MAPK14: variants seen among roughly 807,000 people sequenced by gnomAD.
MAPK14 encodes mitogen-activated protein kinase 14.
Under a neutral mutation model 49.6 loss-of-function variants are expected in MAPK14, and 16 were observed. The ratio of observed to expected loss-of-function variants is 0.32; its 90% confidence interval spans 0.22 to 0.49. The LOEUF is 0.49. Among genes scored for constraint, MAPK14 ranks in the 20% least tolerant of loss-of-function variants. The probability of loss-of-function intolerance (pLI) is 0.99; values close to 1 mark genes in which losing one functional copy is unlikely to be tolerated. For synonymous variants in MAPK14, 142 were observed against 158.0 expected, an observed-to-expected ratio of 0.90 and a Z score of 0.76; for missense variants, 200 against 441.2, an observed-to-expected ratio of 0.45 and a Z score of 4.90.
At chr6:36,035,989 T>C (rs879141463) in intron 1 of MAPK14, among the ~76,000 whole-genome samples, 8 of 152,158 alleles carry the variant, frequency 5.3e-5, no homozygotes, top group Non-Finnish European at 1.2e-4. Flanking sequence ...TTTGGGAGGC[T>C]GAGGCAGGCA....
chr6:36,031,356 A>G (rs1762536775), intron 1 of MAPK14, among the ~76,000 whole-genome samples: 1 of 151,894 alleles, frequency 6.6e-6, no homozygotes, highest in African/African-American at 2.4e-5. Context: ...GTGTGGCAGA[A>G]AACATTTTTT....
Position 36,107,708 on chromosome 6 carries a change from C to A in MAPK14, c.1015+80C>A. 2.8e-6 allele frequency: 3 copies of A among 1,065,256 alleles called. No homozygotes were observed. The highest frequency in any genetic ancestry group is 3.9e-6 in the Non-Finnish European group (3 of 766,298). The allele number at this position is 1,065,256 out of a possible 1,614,324, so 66.0% of individuals were successfully genotyped here. A position where few individuals can be genotyped will look rare whatever the true frequency, so the allele number is the denominator to read the frequency against. On this transcript the variant is annotated intron_variant, in intron 11 of 11. Coordinates refer to ENST00000229794, the MANE Select transcript of MAPK14 (RefSeq NM_139012.3). This position sits in a 1 kb window ranked among gnomAD's most constrained non-coding sequence, Gnocchi z 4.3. ...AAAATAAAAACTGAATGGTCATAACCAACTTGCTAAAGCTTGTAGATGAGG... is the reference window on the plus strand; with the variant it reads ...AAAATAAAAACTGAATGGTCATAACAAACTTGCTAAAGCTTGTAGATGAGG...
In MAPK14 at chr6:36,028,486, G is replaced by C. The variant is rs1408325176; in HGVS notation, c.116+213G>C. ...GCGGTCCACCGTGTGCAGCACTCAG[G>C]TCCGCTGCGAGAGGTAGGTGGTGGT... On this transcript the variant is annotated intron_variant, in intron 1 of 11. Coordinates refer to ENST00000229794, the MANE Select transcript of MAPK14 (RefSeq NM_139012.3). This position sits in a 1 kb window ranked among gnomAD's most constrained non-coding sequence, Gnocchi z 5.1. Among the ~76,000 whole-genome samples, 1 of 152,240 alleles carries C rather than the reference G, an allele frequency of 6.6e-6. No individual in the cohort carries two copies. Among genetic ancestry groups the C allele is most frequent in the Non-Finnish European group, 1.5e-5 (1 of 68,046 alleles).
chr6:36,059,434 T>C (rs914901833), intron 3 of MAPK14, 87 bp downstream of exon 3: 15 of 960,926 alleles, frequency 1.6e-5, no homozygotes, highest in African/African-American at 1.2e-4. Context: ...TAGCAACATA[T>C]AGACTTCAAA....
the MAPK14 span, among the ~76,000 whole-genome samples, chr6:36,118,997 C>T: frequency 6.6e-6 from 1 of 152,310 alleles, no homozygotes; most frequent in South Asian, 2.1e-4. Flanking sequence ...AACTATTATT[C>T]TTTCATGACA....
chr6:36,049,609 CTGGTG>C (rs557777837), intron 1 of MAPK14, among the ~76,000 whole-genome samples: 234 of 152,250 alleles, frequency 1.5e-3, no homozygotes, highest in Non-Finnish European at 2.8e-3. Flanking sequence ...CTGGGAACCT[CTGGTG>C]TAGGTGACTT....
chr6:36,116,458 T>TA, the MAPK14 span, among the ~76,000 whole-genome samples: 2 of 152,152 alleles, frequency 1.3e-5, no homozygotes, highest in African/African-American at 4.8e-5. Flanking sequence ...ATTTGTTTGA[T>TA]ATGTAAAACC....
chr6:36,078,755 A>G (rs1402097517), intron 8 of MAPK14, among the ~76,000 whole-genome samples: 1 of 152,182 alleles, frequency 6.6e-6, no homozygotes, highest in Non-Finnish European at 1.5e-5. Context: ...GTCGAATTCA[A>G]AGGATTTTTA....
At chr6:36,037,037 C>T (rs12203869) in intron 1 of MAPK14, among the ~76,000 whole-genome samples, 48,468 of 151,982 alleles carry the variant, frequency 0.32, 8,532 homozygotes, top group South Asian at 0.56. Flanking sequence ...CCACTGTGCC[C>T]GGCTAATAAA....
intron 3 of MAPK14, among the ~76,000 whole-genome samples, chr6:36,069,711 T>C (rs1016882182): frequency 6.6e-6 from 1 of 150,962 alleles, no homozygotes; most frequent in Non-Finnish European, 1.5e-5. Context: ...TCTTTCCCTC[T>C]CTCTCTCTCT....
At chr6:36,100,388 C>G (rs1765593580) in intron 9 of MAPK14, 2 of 739,812 alleles carry the variant, frequency 2.7e-6, no homozygotes, top group African/African-American at 3.5e-5. Context: ...TGAGGCCTGC[C>G]TATGTGCTAT....
chr6:36,058,291 A>T (rs1207943044), intron 2 of MAPK14, among the ~76,000 whole-genome samples: 1 of 152,214 alleles, frequency 6.6e-6, no homozygotes, highest in Non-Finnish European at 1.5e-5. Context: ...ATACATTTTT[A>T]AAAAACACAA....
intron 10 of MAPK14, chr6:36,102,890 G>T (rs771786463): frequency 1.6e-5 from 3 of 189,918 alleles, no homozygotes; most frequent in Non-Finnish European, 2.9e-5. Context: ...GTACAGTGGA[G>T]AAAGGAGAGA....
chr6:36,070,785 A>G (rs749399351), intron 3 of MAPK14, among the ~76,000 whole-genome samples: 3 of 152,164 alleles, frequency 2.0e-5, no homozygotes, highest in Non-Finnish European at 2.9e-5. Flanking sequence ...GAGGACAGAA[A>G]GTAATAAATA....
intron 9 of MAPK14, among the ~76,000 whole-genome samples, chr6:36,099,788 A>G (rs1301977703): frequency 2.0e-5 from 3 of 152,102 alleles, no homozygotes; most frequent in Non-Finnish European, 4.4e-5. Flanking sequence ...TGGATATTTT[A>G]TTTTGTTCAA....
At chr6:36,060,736 TAAA>T in intron 3 of MAPK14, among the ~76,000 whole-genome samples, 1 of 152,062 alleles carries the variant, frequency 6.6e-6, no homozygotes, top group South Asian at 2.1e-4. Flanking sequence ...GAGAAAGAAA[TAAA>T]GAAGATGAAA....
chr6:36,066,129 A>G (rs1035089155), intron 3 of MAPK14, among the ~76,000 whole-genome samples: 5 of 152,218 alleles, frequency 3.3e-5, no homozygotes, highest in African/African-American at 1.2e-4. Context: ...ATTTGACACA[A>G]CAATCCTGTG....
At chr6:36,094,164 A>G (rs1243462515) in intron 8 of MAPK14, among the ~76,000 whole-genome samples, 1 of 152,248 alleles carries the variant, frequency 6.6e-6, no homozygotes, top group Non-Finnish European at 1.5e-5. Flanking sequence ...TAACCTTTAT[A>G]ACACAATGAT....
Position 36,080,285 on chromosome 6 carries a change from A to G in MAPK14, c.682+3677A>G, listed in dbSNP as rs140738920. On this transcript the variant is annotated intron_variant, in intron 8 of 11. Transcript: ENST00000229794. Reference sequence around the variant, plus strand: ...CAATTCAGCGGCATTAATTACATTCATGATGTACAATCACTACTACTACCT... The same window carrying G: ...CAATTCAGCGGCATTAATTACATTCGTGATGTACAATCACTACTACTACCT... Among the ~76,000 whole-genome samples, 159 of 152,282 alleles carry G rather than the reference A, an allele frequency of 1.0e-3. 1 individual carries two copies. The highest frequency in any genetic ancestry group is 1.6e-3 in the Admixed American group (24 of 15,298).
Sources: gnomAD v4.1 joint callset for allele counts (sites outside exome capture counted in the v4.1 genomes callset) on GRCh38, gnomAD v4.1.1 for gene constraint, Gnocchi (gnomAD v3.1) non-coding constraint, MANE v1.5 for transcripts, NCBI Gene and HGNC (gene_info 2026-07-23, HGNC 2026-07-21) for gene names.